Variants in UBR3 observed in about 807,000 individuals in gnomAD.
UBR3 encodes the protein ubiquitin protein ligase E3 component n-recognin 3.
In UBR3, 85 loss-of-function variants were observed where a neutral mutation model predicts 243.2. That is an observed-to-expected ratio of 0.35 (90% CI 0.29 to 0.42). The LOEUF is 0.42. Among genes scored for constraint, UBR3 ranks in the 10% least tolerant of loss-of-function variants. The probability of loss-of-function intolerance (pLI) is 1.00; values close to 1 mark genes in which losing one functional copy is unlikely to be tolerated. For synonymous variants in UBR3, 748 were observed against 799.8 expected, an observed-to-expected ratio of 0.94 and a Z score of 1.09; for missense variants, 1,686 against 2,300.8, an observed-to-expected ratio of 0.73 and a Z score of 5.47.
intron 1 of UBR3, among the ~76,000 whole-genome samples, chr2:169,831,540 T>A (rs1326787082): frequency 6.6e-6 from 1 of 152,160 alleles, no homozygotes. Context: ...TCCAGTTTCA[T>A]AAAGGGCAAG....
At position 169,890,563 on chromosome 2, in the gene UBR3, A is replaced by ATATATATATGTG. The variant is rs1255881148; in HGVS notation, c.1039-601_1039-600insATATATATGTGT. ...GAGATATATATATATATATATATATATGTGTATATATATATATGTATATAT... is the reference window on the plus strand; with the variant it reads ...GAGATATATATATATATATATATATATATATATATGTGTGTGTATATATATATATGTATATAT... On this transcript the variant is annotated intron_variant, in intron 5 of 38. Coordinates refer to ENST00000272793, the MANE Select transcript of UBR3 (RefSeq NM_172070.4). Among the ~76,000 whole-genome samples the ATATATATATGTG allele has an allele frequency of 5.3e-3, 446 of 83,756 alleles. 17 individuals are homozygous for ATATATATATGTG. The highest frequency in any genetic ancestry group is 0.017 in the African/African-American group (338 of 19,612). The allele number at this position is 83,756 out of a possible 152,430, so 54.9% of individuals were successfully genotyped here. A position where few individuals can be genotyped will look rare whatever the true frequency, so the allele number is the denominator to read the frequency against.
chr2:169,868,368 G>A (rs780741437), intron 1 of UBR3, among the ~76,000 whole-genome samples: 18 of 152,166 alleles, frequency 1.2e-4, no homozygotes, highest in Non-Finnish European at 2.4e-4. Context: ...TTAAGACAGA[G>A]TCTCATTCTG....
At chr2:169,898,953 G>A (rs1053164679) in intron 8 of UBR3, among the ~76,000 whole-genome samples, 31 of 151,254 alleles carry the variant, frequency 2.0e-4, no homozygotes, top group African/African-American at 6.3e-4. Flanking sequence ...CGCCTGCCTC[G>A]GCCTCCCAAA....
intron 1 of UBR3, among the ~76,000 whole-genome samples, chr2:169,829,066 C>G (rs2081840959): frequency 6.6e-6 from 1 of 152,184 alleles, no homozygotes. Context: ...CTACAGGTTG[C>G]TATCAGTTAT....
At chr2:169,878,408 G>T in intron 4 of UBR3, 117 bp from the exon 5 acceptor site, 1 of 847,950 alleles carries the variant, frequency 1.2e-6, no homozygotes, top group Non-Finnish European at 1.8e-6. Context: ...CTGTTAGAAT[G>T]AGGTGTCCTA....
intron 5 of UBR3, among the ~76,000 whole-genome samples, chr2:169,890,563 A>ATATATATATATATATATATATATATG (rs1255881148): frequency 4.4e-4 from 37 of 83,698 alleles, no homozygotes; most frequent in Middle Eastern, 6.4e-3. Flanking sequence ...ATATATATAT[A>ATATATATATATATATATATATATATG]TGTGTATATA....
intron 1 of UBR3, among the ~76,000 whole-genome samples, chr2:169,829,394 TAAC>T (rs1012475192): frequency 5.3e-5 from 8 of 150,572 alleles, no homozygotes; most frequent in African/African-American, 1.9e-4. Flanking sequence ...CTAATAATAA[TAAC>T]AACATAATTG....
intron 29 of UBR3, among the ~76,000 whole-genome samples, chr2:170,011,261 A>G (rs2090073748): frequency 6.6e-6 from 1 of 152,182 alleles, no homozygotes; most frequent in Non-Finnish European, 1.5e-5. Flanking sequence ...AATACATTGT[A>G]ATTTTCTCAA....
At chr2:169,972,453 C>T (rs1022367413) in intron 24 of UBR3, among the ~76,000 whole-genome samples, 23 of 151,974 alleles carry the variant, frequency 1.5e-4, no homozygotes, top group East Asian at 7.7e-4. Context: ...CAGGCAGAGA[C>T]GCAACAAAAA....
At position 169,827,498 on chromosome 2, in the gene UBR3, A is replaced by G; in HGVS notation, c.-10A>G. ...CTGGCCCTGGACTCTCCAAATTCTG[A>G]GCTCTCATCATGGCGGCGGCGGCCG... On this transcript the variant is annotated 5_prime_UTR_variant, in exon 1 of 39. Coordinates refer to ENST00000272793, the MANE Select transcript of UBR3 (RefSeq NM_172070.4). 1 of 1,227,616 alleles carries G rather than the reference A, an allele frequency of 8.1e-7. No homozygotes were observed. The highest frequency in any genetic ancestry group is 1.0e-6 in the Non-Finnish European group (1 of 985,908). The allele number at this position is 1,227,616 out of a possible 1,614,324, so 76.0% of individuals were successfully genotyped here.
chr2:169,888,223 C>G (rs2084187213), intron 5 of UBR3, among the ~76,000 whole-genome samples: 1 of 151,732 alleles, frequency 6.6e-6, no homozygotes, highest in Non-Finnish European at 1.5e-5. Context: ...ACTGCAACCT[C>G]CGCCTCCCGG....
intron 1 of UBR3, among the ~76,000 whole-genome samples, chr2:169,853,190 A>G (rs1288965194): frequency 1.3e-5 from 2 of 152,202 alleles, no homozygotes; most frequent in South Asian, 2.1e-4. Context: ...CTTAGCTGCA[A>G]TACGGAACCC....
chr2:169,958,651 TAAAC>T (rs1440925054), intron 24 of UBR3, 125 bp downstream of exon 24: 2 of 755,388 alleles, frequency 2.6e-6, no homozygotes, highest in African/African-American at 3.6e-5. Flanking sequence ...ATTTGGTCCT[TAAAC>T]AATATAGTGA....
intron 23 of UBR3, among the ~76,000 whole-genome samples, chr2:169,951,303 A>G (rs1000841282): frequency 6.6e-6 from 1 of 152,172 alleles, no homozygotes; most frequent in Admixed American, 6.6e-5. Context: ...CTTCTTAGTT[A>G]CTTTTAAAAT....
chr2:169,927,225 A>AT, intron 16 of UBR3, 95 bp from the exon 17 acceptor site: 1 of 1,174,236 alleles, frequency 8.5e-7, no homozygotes, highest in Non-Finnish European at 1.2e-6. Context: ...AGCATCTTAT[A>AT]TTTGGTAAAA....
At chr2:170,008,433 G>T (rs1013211874) in intron 28 of UBR3, among the ~76,000 whole-genome samples, 2 of 152,088 alleles carry the variant, frequency 1.3e-5, no homozygotes, top group African/African-American at 4.8e-5. Flanking sequence ...AAACTTACGG[G>T]ACATTGATAT....
intron 19 of UBR3, among the ~76,000 whole-genome samples, chr2:169,940,328 G>T (rs376080871): frequency 4.4e-4 from 67 of 152,058 alleles, no homozygotes; most frequent in African/African-American, 1.6e-3. Flanking sequence ...TATAGTTTAG[G>T]CTTTAAATTT....
chr2:169,876,281 T>C (rs889300076), intron 3 of UBR3, among the ~76,000 whole-genome samples: 1 of 151,784 alleles, frequency 6.6e-6, no homozygotes, highest in Non-Finnish European at 1.5e-5. Context: ...GGGGTTTCAC[T>C]GTGTTAGCCA....
chr2:170,005,668 G>T (rs895294728), intron 27 of UBR3, among the ~76,000 whole-genome samples: 1 of 152,152 alleles, frequency 6.6e-6, no homozygotes, highest in Admixed American at 6.5e-5. Context: ...CAAGGATGTT[G>T]TTATGGTAAC....
Sources: allele counts gnomAD v4.1 joint callset (sites outside exome capture counted in the v4.1 genomes callset), GRCh38; gene constraint gnomAD v4.1.1; transcripts MANE v1.5; gene names NCBI Gene and HGNC (gene_info 2026-07-23, HGNC 2026-07-21).